The following PPFIA2 variants were observed in gnomAD, a reference collection of about 807,000 sequenced individuals.
PPFIA2 encodes the protein liprin-alpha-2.
PPFIA2 carries 46 observed loss-of-function variants against 175.5 expected under a neutral mutation model. The ratio of observed to expected loss-of-function variants is 0.26; its 90% CI spans 0.21 to 0.34. PPFIA2 has a LOEUF of 0.34. Among genes scored for constraint, PPFIA2 ranks in the 10% least tolerant of loss-of-function variants. PPFIA2 has a pLI of 1.00. For missense variants in PPFIA2, 1,179 were observed against 1,506.1 expected, an observed-to-expected ratio of 0.78 and a Z score of 3.60; for synonymous variants, 568 against 511.4, an observed-to-expected ratio of 1.11 and a Z score of -1.49.
chr12:81,713,315 A>C (rs1024137064), intron 3 of PPFIA2, among the ~76,000 whole-genome samples: 1 of 151,016 alleles, frequency 6.6e-6, no homozygotes, highest in Admixed American at 6.8e-5. Flanking sequence ...ACACTTGCCC[A>C]AGGCCACCCA....
chr12:81,629,489 A>G (rs1402296869), intron 4 of PPFIA2, among the ~76,000 whole-genome samples: 1 of 152,098 alleles, frequency 6.6e-6, no homozygotes, highest in Non-Finnish European at 1.5e-5. Flanking sequence ...TCTATACTCA[A>G]TGCCCTCTCT....
chr12:81,286,399 A>AT (rs1015985810), intron 24 of PPFIA2, among the ~76,000 whole-genome samples: 2 of 151,946 alleles, frequency 1.3e-5, no homozygotes, highest in African/African-American at 4.8e-5. Flanking sequence ...CACGTGTACC[A>AT]TTTTTTATCT....
intron 3 of PPFIA2, among the ~76,000 whole-genome samples, chr12:81,699,448 A>G (rs958136942): frequency 1.3e-5 from 2 of 151,838 alleles, no homozygotes; most frequent in Admixed American, 6.6e-5. Context: ...AATTTTATGT[A>G]ACCAAAATTA....
At chr12:81,533,691 A>AAATC (rs2064933212) in intron 4 of PPFIA2, among the ~76,000 whole-genome samples, 1 of 139,360 alleles carries the variant, frequency 7.2e-6, no homozygotes, top group African/African-American at 2.6e-5. Flanking sequence ...CTAAATTCAC[A>AAATC]AATCTATCTA....
intron 4 of PPFIA2, among the ~76,000 whole-genome samples, chr12:81,563,766 G>A (rs1214409115): frequency 6.6e-6 from 1 of 152,090 alleles, no homozygotes; most frequent in Non-Finnish European, 1.5e-5. Flanking sequence ...ATTAATTTGT[G>A]TATTTAAAAG....
At chr12:81,713,318 G>GCCAC (rs1366997673) in intron 3 of PPFIA2, among the ~76,000 whole-genome samples, 1 of 150,846 alleles carries the variant, frequency 6.6e-6, no homozygotes, top group Non-Finnish European at 1.5e-5. Context: ...CTTGCCCAAG[G>GCCAC]CCACCCAGCT....
At chr12:81,291,187 G>A (rs1235244646) in intron 24 of PPFIA2, among the ~76,000 whole-genome samples, 1 of 151,682 alleles carries the variant, frequency 6.6e-6, no homozygotes, top group East Asian at 1.9e-4. Flanking sequence ...AAATTATTTT[G>A]TTGTCATCTT....
intron 4 of PPFIA2, among the ~76,000 whole-genome samples, chr12:81,469,498 T>C (rs2056352735): frequency 6.6e-6 from 1 of 152,150 alleles, no homozygotes; most frequent in Non-Finnish European, 1.5e-5. Flanking sequence ...AGATGAAATG[T>C]GAAAAATGAG....
At chr12:81,597,879 T>C in intron 4 of PPFIA2, 3 of 1,414,278 alleles carry the variant, frequency 2.1e-6, no homozygotes, top group Non-Finnish European at 2.9e-6. Context: ...TTTCTTCCTT[T>C]ATATAGCACT....
intron 3 of PPFIA2, among the ~76,000 whole-genome samples, chr12:81,691,497 C>T (rs2075241133): frequency 6.6e-6 from 1 of 152,064 alleles, no homozygotes; most frequent in Non-Finnish European, 1.5e-5. Flanking sequence ...TTATATACTG[C>T]TTTCTGTTCT....
intron 4 of PPFIA2, among the ~76,000 whole-genome samples, chr12:81,525,993 A>G (rs1000465550): frequency 6.6e-6 from 1 of 152,220 alleles, no homozygotes; most frequent in African/African-American, 2.4e-5. Flanking sequence ...TAAAATTAGA[A>G]AATCAAAAAC....
chr12:81,453,689 G>A (rs1367382350), intron 5 of PPFIA2, among the ~76,000 whole-genome samples: 3 of 151,838 alleles, frequency 2.0e-5, no homozygotes, highest in Non-Finnish European at 4.4e-5. Context: ...ATATTATAAT[G>A]ATTTTATTAG....
chr12:81,384,046 T>G lies in PPFIA2; in HGVS notation c.961A>C (p.Lys321Gln). The change falls in exon 9 of 33, where the codon AAG becomes CAG. Residue 321 changes from lysine to glutamine, a missense_variant. Transcript: ENST00000549396. Reference protein sequence around the residue: ...DLIKTEEMNTKYQRDIREAMA... With the variant: ...DLIKTEEMNTQYQRDIREAMA... ...ACCTCCCTAATGTCCCTTTGATACT[T>G]GGTGTTCATTTCTTCTGTTTTAATG... The G allele has an allele frequency of 9.9e-6, 16 of 1,612,320 alleles. No homozygotes were observed. The highest frequency in any genetic ancestry group is 1.2e-5 in the Non-Finnish European group (14 of 1,178,816).
intron 7 of PPFIA2, among the ~76,000 whole-genome samples, chr12:81,420,248 C>T (rs970958762): frequency 6.6e-6 from 1 of 152,024 alleles, no homozygotes; most frequent in African/African-American, 2.4e-5. Context: ...AATGTGCAGA[C>T]ATCAATGCAT....
chr12:81,347,716 A>T lies in PPFIA2; in HGVS notation c.2049T>A (p.Asn683Lys). ...CTTCGAGGCTCACACTAGCCACTCT[A>T]TTTTCAATTTCTTCAGCACGCAACT... is the stretch of plus-strand genomic sequence containing the variant. The part of the protein sequence containing the change: ...STELRAEEIE[N>K]RVASVSLEGL... The change falls in exon 18 of 33, where the codon AAT becomes AAA. Residue 683 changes from asparagine (N) to lysine (K), a missense_variant. Asn to Lys is a moderately conservative substitution (Grantham distance 94, BLOSUM62 0). Around this residue, in one of 10 missense-constraint regions of PPFIA2, gnomAD observed 223 missense variants for 241.6 expected, o/e 0.92. Transcript: ENST00000549396. 2 of 1,613,668 alleles carry T rather than the reference A, an allele frequency of 1.2e-6. No individual in the cohort carries two copies. Among genetic ancestry groups the T allele is most frequent in the Non-Finnish European group, 1.7e-6 (2 of 1,179,782 alleles).
intron 7 of PPFIA2, among the ~76,000 whole-genome samples, chr12:81,426,670 A>T: frequency 7.0e-6 from 1 of 143,188 alleles, no homozygotes; most frequent in East Asian, 1.9e-4. Flanking sequence ...CATCTTATTT[A>T]TTTATTTATT....
chr12:81,693,149 G>C (rs1398735530), intron 3 of PPFIA2, among the ~76,000 whole-genome samples: 1 of 151,988 alleles, frequency 6.6e-6, no homozygotes, highest in Non-Finnish European at 1.5e-5. Flanking sequence ...GGCAGTTTAA[G>C]TCTCTTTTCA....
intron 4 of PPFIA2, among the ~76,000 whole-genome samples, chr12:81,565,400 C>A (rs2071075980): frequency 6.6e-6 from 1 of 152,292 alleles, no homozygotes; most frequent in East Asian, 1.9e-4. Context: ...AGTTTTGGGA[C>A]TCGGACTGGC....
At chr12:81,725,615 T>C (rs1242177971) in intron 3 of PPFIA2, among the ~76,000 whole-genome samples, 2 of 150,660 alleles carry the variant, frequency 1.3e-5, no homozygotes, top group South Asian at 2.1e-4. Flanking sequence ...AGAAAAAATA[T>C]ATAAACTTAG....
Sources: allele counts gnomAD v4.1 joint callset (sites outside exome capture counted in the v4.1 genomes callset), GRCh38; gene constraint gnomAD v4.1.1; regional missense constraint gnomAD v4.1.1; transcripts MANE v1.5; gene names NCBI Gene and HGNC (gene_info 2026-07-23, HGNC 2026-07-21).